Variants in P4HA3 observed in about 807,000 individuals in gnomAD.
P4HA3 encodes prolyl 4-hydroxylase subunit alpha 3.
P4HA3 carries 60 observed loss-of-function variants against 66.7 expected under a neutral mutation model. The ratio of observed to expected loss-of-function variants is 0.90; its 90% CI spans 0.73 to 1.12. The LOEUF (loss-of-function observed/expected upper bound fraction) is 1.12. P4HA3 is among the 50% of genes most tolerant of loss of function. P4HA3 has a pLI of 0.00. For missense variants in P4HA3, 683 were observed against 685.8 expected (o/e 1.00, Z 0.05); for synonymous variants, 263 against 274.6 (o/e 0.96, Z 0.42).
At chr11:74,282,458 G>A (rs1260945411) in intron 7 of P4HA3, among the ~76,000 whole-genome samples, 1 of 152,218 alleles carries the variant, frequency 6.6e-6, no homozygotes, top group Non-Finnish European at 1.5e-5. Context: ...AGACACACTG[G>A]AATCATACAG....
chr11:74,304,414 TGAAA>T lies in P4HA3; in HGVS notation c.201-6_201-3del. The stretch of plus-strand genomic sequence containing the variant: ...AAAGAAAGTACCTTGTCGTAGAATC[TGAAA>T]GAAAGGAGTAGAATGATCTCACCTC... On this transcript the variant is annotated splice_polypyrimidine_tract_variant and splice_region_variant and intron_variant, in intron 1 of 12. Transcript: ENST00000331597. The T allele has an allele frequency of 6.2e-7, 1 of 1,614,014 alleles. No homozygotes were observed. The highest frequency in any genetic ancestry group is 2.2e-5 in the East Asian group (1 of 44,860).
At chr11:74,284,513 C>T (rs1565412117) in intron 7 of P4HA3, among the ~76,000 whole-genome samples, 1 of 152,178 alleles carries the variant, frequency 6.6e-6, no homozygotes, top group Non-Finnish European at 1.5e-5. Context: ...AAAATTTAAT[C>T]TAATCATGAT....
At chr11:74,254,901 G>T (rs1011559758) in intron 15 of P4HA3, among the ~76,000 whole-genome samples, 3 of 152,110 alleles carry the variant, frequency 2.0e-5, no homozygotes, top group African/African-American at 4.8e-5. Flanking sequence ...GCCAGGATGG[G>T]ATTCCAGTCC....
chr11:74,306,243 A>G (rs1861577628), intron 1 of P4HA3, among the ~76,000 whole-genome samples: 1 of 152,186 alleles, frequency 6.6e-6, no homozygotes, highest in Non-Finnish European at 1.5e-5. Flanking sequence ...CAAATGCAGA[A>G]AAGGGCAGAA....
chr11:74,302,053 C>G (rs376461783), intron 3 of P4HA3, among the ~76,000 whole-genome samples: 1 of 152,112 alleles, frequency 6.6e-6, no homozygotes, highest in African/African-American at 2.4e-5. Context: ...GTCTGTTGTT[C>G]TAGCATAATT....
intron 1 of P4HA3, among the ~76,000 whole-genome samples, chr11:74,305,454 CTG>C (rs113526213): frequency 3.3e-5 from 5 of 152,152 alleles, no homozygotes; most frequent in African/African-American, 1.2e-4. Flanking sequence ...CAAAGCCACA[CTG>C]TTAGTAAAGG....
At chr11:74,307,297 G>A (rs1861608180) in intron 1 of P4HA3, among the ~76,000 whole-genome samples, 1 of 152,184 alleles carries the variant, frequency 6.6e-6, no homozygotes, top group Non-Finnish European at 1.5e-5. Flanking sequence ...ATTAGCTTGA[G>A]GACTAATGTT....
At chr11:74,253,026 T>C (rs546764106) in intron 15 of P4HA3, among the ~76,000 whole-genome samples, 1 of 152,316 alleles carries the variant, frequency 6.6e-6, no homozygotes, top group East Asian at 1.9e-4. Flanking sequence ...GGGAAACTTG[T>C]TCCCCACTCT....
chr11:74,295,850 C>G (rs191933884), intron 4 of P4HA3, among the ~76,000 whole-genome samples: 5 of 152,284 alleles, frequency 3.3e-5, no homozygotes, highest in Admixed American at 3.3e-4. Context: ...CTTGAGTAAT[C>G]TATGAATATC....
intron 15 of P4HA3, chr11:74,250,880 G>A: frequency 7.5e-7 from 1 of 1,331,618 alleles, no homozygotes; most frequent in Non-Finnish European, 1.1e-6. Flanking sequence ...CTGGGCTCCT[G>A]GAATGACCTA....
chr11:74,299,836 G>A lies in P4HA3; in HGVS notation c.568-1475C>T, dbSNP rs567258260. 1.3e-5 allele frequency among the ~76,000 whole-genome samples: 2 copies of A among 152,176 alleles called. 1 individual carries two copies. The highest frequency in any genetic ancestry group is 4.1e-4 in the South Asian group (2 of 4,820). On this transcript the variant is annotated intron_variant, in intron 3 of 12. Coordinates refer to ENST00000331597, the MANE Select transcript of P4HA3 (RefSeq NM_182904.5). ...CCTTGGGTTATAATGCCCATATGAGGATAGAAGATGAGCCATCCTTAGACC... is the reference window on the plus strand; with the variant it reads ...CCTTGGGTTATAATGCCCATATGAGAATAGAAGATGAGCCATCCTTAGACC...
At chr11:74,303,405 G>T (rs541438009) in intron 2 of P4HA3, among the ~76,000 whole-genome samples, 12 of 142,916 alleles carry the variant, frequency 8.4e-5, no homozygotes, top group African/African-American at 2.4e-4. Flanking sequence ...AGCAATTCTT[G>T]TGCCTCAGCT....
In P4HA3 at chr11:74,292,361, G is replaced by A. The variant is rs542611528; in HGVS notation, c.718-3231C>T. Among the ~76,000 whole-genome samples the A allele has an allele frequency of 4.2e-4, 64 of 151,858 alleles. 1 individual carries two copies. Among genetic ancestry groups the A allele is most frequent in the Middle Eastern group, 3.4e-3 (1 of 292 alleles). On this transcript the variant is annotated intron_variant, in intron 4 of 12. Transcript: ENST00000331597. ...TTTCTTCTTTATTATTCTTGCTAGC[G>A]GTCTATCAATTTTGTTGATCTTTTC...
chr11:74,268,285 C>G (rs1425454408), intron 11 of P4HA3, 44 bp from the exon 12 acceptor site: 3 of 1,523,028 alleles, frequency 2.0e-6, no homozygotes, highest in Non-Finnish European at 2.7e-6. Context: ...AGCCCAGAAC[C>G]TCAGTCCTCG....
intron 3 of P4HA3, among the ~76,000 whole-genome samples, chr11:74,298,912 C>A (rs148038911): frequency 1.6e-3 from 238 of 152,330 alleles, no homozygotes; most frequent in Non-Finnish European, 2.0e-3. Context: ...ATGGGCTAAG[C>A]AAATTACAGT....
Position 74,267,272 on chromosome 11 carries a change from G to A in P4HA3, c.1611C>T (p.Pro537=), listed in dbSNP as rs199700907. The part of the protein sequence containing the change: ...IHEYGQEFRR[P]CSSSPED ...TTCAGTCTTCAGGGCTGGAGCTGCA[G>A]GGTCTGCGGAATTCCTGTCCATACT... Residue 537 remains proline (P), a synonymous_variant, in exon 13 of 13, where the codon CCC becomes CCT. Transcript: ENST00000331597. The A allele has an allele frequency of 1.9e-6, 3 of 1,614,240 alleles. No homozygotes were observed. Among genetic ancestry groups the A allele is most frequent in the Non-Finnish European group, 2.5e-6 (3 of 1,180,048 alleles).
chr11:74,251,008 C>A (rs763885308), intron 15 of P4HA3: 12 of 1,596,512 alleles, frequency 7.5e-6, no homozygotes, highest in Non-Finnish European at 1.0e-5. Flanking sequence ...CATGAGGATG[C>A]CCCTGACAAG....
At chr11:74,279,801 G>A (rs1370252461) in intron 7 of P4HA3, among the ~76,000 whole-genome samples, 7 of 152,112 alleles carry the variant, frequency 4.6e-5, no homozygotes, top group Admixed American at 4.6e-4. Context: ...TTTCTCATTC[G>A]TCTTTGTTTC....
intron 4 of P4HA3, among the ~76,000 whole-genome samples, chr11:74,291,138 T>C (rs952100065): frequency 1.3e-5 from 2 of 152,164 alleles, no homozygotes; most frequent in Admixed American, 1.3e-4. Flanking sequence ...TGGTTTGTAG[T>C]TCTCCTTGAA....
Sources: allele counts gnomAD v4.1 joint callset (sites outside exome capture counted in the v4.1 genomes callset), GRCh38; gene constraint gnomAD v4.1.1; transcripts MANE v1.5; gene names NCBI Gene and HGNC (gene_info 2026-07-23, HGNC 2026-07-21).